The following CNR2 variants were observed in gnomAD, a reference collection of about 807,000 sequenced individuals.
CNR2 encodes cannabinoid receptor 2.
For missense variants in CNR2, 379 were observed against 439.9 expected, an observed-to-expected ratio of 0.86 and a Z score of 1.24; for synonymous variants, 172 against 182.2, an observed-to-expected ratio of 0.94 and a Z score of 0.45.
At chr1:23,878,934 G>GAA (rs1338332663) in intron 1 of CNR2, among the ~76,000 whole-genome samples, 2 of 152,114 alleles carry the variant, frequency 1.3e-5, no homozygotes, top group Admixed American at 6.6e-5. Flanking sequence ...AAAATTCAAA[G>GAA]AAAATTGTTC....
chr1:23,902,277 C>T, intron 1 of CNR2: 4 of 1,449,642 alleles, frequency 2.8e-6, no homozygotes, highest in East Asian at 2.3e-5. Flanking sequence ...GCCTTGGGAC[C>T]GCAGGGCCAT....
At chr1:23,882,751 C>T (rs1012845673) in intron 1 of CNR2, among the ~76,000 whole-genome samples, 9 of 151,584 alleles carry the variant, frequency 5.9e-5, no homozygotes, top group African/African-American at 1.5e-4. Flanking sequence ...ACCTGGGAGG[C>T]GGAGGTTTCA....
In CNR2 at chr1:23,871,556, C is replaced by G. The variant is rs1639765939; in HGVS notation, c.*2979G>C. The G allele has an allele frequency of 6.6e-6, 1 of 152,222 alleles. No individual in the cohort carries two copies. The highest frequency in any genetic ancestry group is 1.5e-5 in the Non-Finnish European group (1 of 68,052). 9.4% of individuals were successfully genotyped at this position (152,222 alleles called of 1,614,324 possible). A position where few individuals can be genotyped will look rare whatever the true frequency, so the allele number is the denominator to read the frequency against. On this transcript the variant is annotated 3_prime_UTR_variant, in exon 2 of 2. Transcript: ENST00000374472. ...TGACCAGATCCCTTCAGATGCTCTGCTGGGTCCTGACTGAGCACTGGGGAT... is the reference window on the plus strand; with the variant it reads ...TGACCAGATCCCTTCAGATGCTCTGGTGGGTCCTGACTGAGCACTGGGGAT...
In CNR2 at chr1:23,876,463, A is replaced by G. The variant is rs1357090318; in HGVS notation, c.-45-801T>C. Among the ~76,000 whole-genome samples, 5 of 151,708 alleles carry G rather than the reference A, an allele frequency of 3.3e-5. No individual in the cohort carries two copies. The South Asian group carries it at 1.0e-3, about 31-fold the overall frequency. On this transcript the variant is annotated intron_variant, in intron 1 of 1. Transcript: ENST00000374472. The stretch of plus-strand genomic sequence containing the variant: ...GGTGATCCACCCACCTCAGCCTCCT[A>G]AAGTGCTGGAATTACAGGCATGAGC...
intron 1 of CNR2, among the ~76,000 whole-genome samples, chr1:23,894,596 G>A (rs1640246806): frequency 1.4e-5 from 2 of 145,510 alleles, no homozygotes; most frequent in South Asian, 4.3e-4. Flanking sequence ...GAGGTCAGGA[G>A]TTCGAGACCA....
intron 1 of CNR2, chr1:23,902,818 G>A: frequency 7.5e-7 from 1 of 1,337,034 alleles, no homozygotes; most frequent in Non-Finnish European, 9.5e-7. Flanking sequence ...CGCGGTGCAG[G>A]CTGCGCTGCC....
intron 1 of CNR2, among the ~76,000 whole-genome samples, chr1:23,894,123 T>TAAA (rs61646362): frequency 2.1e-5 from 3 of 145,740 alleles, no homozygotes. Context: ...TGTCTCAAAT[T>TAAA]AAAAAAAAAA....
intron 1 of CNR2, among the ~76,000 whole-genome samples, chr1:23,905,297 C>T (rs1163635338): frequency 1.3e-5 from 2 of 150,950 alleles, no homozygotes; most frequent in Non-Finnish European, 2.9e-5. Flanking sequence ...TCTCTTGCCT[C>T]AGCTTCCCAA....
chr1:23,898,641 ATTTTTTTTTT>A (rs71026701), intron 1 of CNR2, among the ~76,000 whole-genome samples: 7 of 25,296 alleles, frequency 2.8e-4, no homozygotes, highest in Non-Finnish European at 3.3e-4. Context: ...CGCCTGGCCA[ATTTTTTTTTT>A]TTTTTTTTTT....
chr1:23,894,568 C>T (rs1162810672), intron 1 of CNR2, among the ~76,000 whole-genome samples: 1 of 146,640 alleles, frequency 6.8e-6, no homozygotes, highest in Non-Finnish European at 1.5e-5. Flanking sequence ...TTTGGGAGGC[C>T]AAGATGGTGG....
chr1:23,897,537 C>T (rs1039959327), intron 1 of CNR2, among the ~76,000 whole-genome samples: 1 of 150,260 alleles, frequency 6.7e-6, no homozygotes, highest in Non-Finnish European at 1.5e-5. Context: ...TGCAGTGGTG[C>T]GATCTCGGTT....
chr1:23,883,394 T>C (rs905009507), intron 1 of CNR2, among the ~76,000 whole-genome samples: 2 of 152,238 alleles, frequency 1.3e-5, no homozygotes, highest in African/African-American at 4.8e-5. Context: ...TGTACAAGAA[T>C]GTTCTCTTTG....
intron 1 of CNR2, among the ~76,000 whole-genome samples, chr1:23,898,380 T>C (rs1171885206): frequency 1.1e-4 from 11 of 102,898 alleles, no homozygotes; most frequent in South Asian, 3.6e-4. Context: ...CTTGTTCTGT[T>C]GCCCAGGCTG....
chr1:23,875,966 A>G (rs1415789776), intron 1 of CNR2, among the ~76,000 whole-genome samples: 2 of 152,128 alleles, frequency 1.3e-5, no homozygotes, highest in Non-Finnish European at 1.5e-5. Flanking sequence ...GGAAATCCCA[A>G]AAGGTCAAAA....
At chr1:23,902,106 C>T in intron 1 of CNR2, 1 of 1,467,018 alleles carries the variant, frequency 6.8e-7, no homozygotes, top group Admixed American at 1.7e-5. Context: ...AGAGGGCTCG[C>T]CCCAAAACAT....
intron 1 of CNR2, among the ~76,000 whole-genome samples, chr1:23,906,661 C>T (rs28695556): frequency 0.15 from 22,362 of 150,102 alleles, 2,164 homozygotes; most frequent in East Asian, 0.35. Flanking sequence ...GGATTACAGG[C>T]GTGAGCCACC....
At chr1:23,883,590 C>T (rs75296863) in intron 1 of CNR2, among the ~76,000 whole-genome samples, 17,369 of 152,130 alleles carry the variant, frequency 0.11, 1,325 homozygotes, top group East Asian at 0.33. Context: ...TTTGGGAGGC[C>T]GAAACAGGCG....
intron 1 of CNR2, among the ~76,000 whole-genome samples, chr1:23,893,842 G>T (rs139057248): frequency 6.9e-4 from 105 of 152,222 alleles, no homozygotes; most frequent in African/African-American, 2.2e-3. Context: ...ACTTTCTGGG[G>T]GCTGGGTACC....
chr1:23,902,796 C>G, intron 1 of CNR2: 3 of 1,427,212 alleles, frequency 2.1e-6, no homozygotes, highest in Non-Finnish European at 2.7e-6. Context: ...TGCGCGGGCG[C>G]GGGCGCGGGG....
Sources: gnomAD v4.1 joint callset for allele counts (sites outside exome capture counted in the v4.1 genomes callset) on GRCh38, gnomAD v4.1.1 for gene constraint, MANE v1.5 for transcripts, NCBI Gene and HGNC (gene_info 2026-07-23, HGNC 2026-07-21) for gene names.